Variants in RPGRIP1L observed in about 807,000 individuals in gnomAD.
RPGRIP1L encodes RPGRIP1 like.
A neutral mutation model predicts 160.4 loss-of-function variants in RPGRIP1L; 131 were observed. That is an observed-to-expected ratio of 0.82 (90% CI 0.71 to 0.94). RPGRIP1L has a LOEUF of 0.94. Ranked by LOEUF, RPGRIP1L falls within the 40% of genes least tolerant of loss-of-function variation. The pLI, the probability that RPGRIP1L is intolerant of heterozygous loss-of-function variation, is 0.00. For missense variants in RPGRIP1L, 1,522 were observed against 1,535.8 expected, an observed-to-expected ratio of 0.99 and a Z score of 0.15; for synonymous variants, 510 against 515.8, an observed-to-expected ratio of 0.99 and a Z score of 0.15.
At chr16:53,621,244 A>G (rs1025897527) in intron 23 of RPGRIP1L, among the ~76,000 whole-genome samples, 2 of 152,184 alleles carry the variant, frequency 1.3e-5, no homozygotes, top group African/African-American at 4.8e-5. Context: ...ATATGACTAC[A>G]TGCAACTCTT....
At chr16:53,674,213 T>C (rs148293033) in intron 7 of RPGRIP1L, among the ~76,000 whole-genome samples, 1 of 152,266 alleles carries the variant, frequency 6.6e-6, no homozygotes, top group Non-Finnish European at 1.5e-5. Flanking sequence ...TATTTAACTA[T>C]TGAATTCAAC....
In RPGRIP1L at chr16:53,652,872, A is replaced by AT. The variant is rs1198188966; in HGVS notation, c.1814dup (p.Asn605LysfsTer4). 6.2e-7 allele frequency: 1 copy of AT among 1,612,656 alleles called. No individual in the cohort carries two copies. The highest frequency in any genetic ancestry group is 8.5e-7 in the Non-Finnish European group (1 of 1,179,478). ...CTTTGTTGATATGGATTTCAAATAGATTTTCGCCTCGTTCTAAGTGGATGG... is the reference window on the plus strand; with the variant it reads ...CTTTGTTGATATGGATTTCAAATAGATTTTTCGCCTCGTTCTAAGTGGATGG... On this transcript the variant is annotated frameshift_variant, in exon 15 of 27. Coordinates refer to ENST00000647211, the MANE Select transcript of RPGRIP1L (RefSeq NM_015272.5). LOFTEE classifies it high-confidence loss of function.
intron 26 of RPGRIP1L, 104 bp downstream of exon 26, chr16:53,605,377 G>A (rs764465977): frequency 2.3e-5 from 29 of 1,283,966 alleles, no homozygotes; most frequent in South Asian, 1.8e-4. Context: ...TTCAAGTAAC[G>A]TGTGACTCAG....
intron 10 of RPGRIP1L, chr16:53,659,113 C>T (rs1967541929): frequency 6.0e-6 from 4 of 665,584 alleles, no homozygotes; most frequent in Non-Finnish European, 9.1e-6. Context: ...CATAAGTTCA[C>T]AGTATTAATA....
chr16:53,677,437 TA>T (rs1232954952), intron 6 of RPGRIP1L, among the ~76,000 whole-genome samples: 2 of 152,178 alleles, frequency 1.3e-5, no homozygotes, highest in African/African-American at 4.8e-5. Flanking sequence ...ATTATGACTT[TA>T]TTTTTTTTTC....
At chr16:53,656,944 T>C (rs957370053) in intron 13 of RPGRIP1L, among the ~76,000 whole-genome samples, 1 of 152,112 alleles carries the variant, frequency 6.6e-6, no homozygotes, top group Non-Finnish European at 1.5e-5. Flanking sequence ...TCAGGGACTT[T>C]AAAAACATTA....
rs927322473 is a variant in RPGRIP1L at position 53,671,456 on chromosome 16, C to A, written c.1103+54G>T. The stretch of plus-strand genomic sequence containing the variant: ...CTATTCTGACAACAGCAAATGCTTA[C>A]ATATAAAAGAGCTCAAACAAGACAA... On this transcript the variant is annotated intron_variant, in intron 9 of 26. Transcript: ENST00000647211. The A allele has an allele frequency of 9.0e-5, 100 of 1,111,960 alleles. 1 individual carries two copies. The highest frequency in any genetic ancestry group is 1.3e-4 in the Non-Finnish European group (98 of 726,766). The allele number at this position is 1,111,960 out of a possible 1,614,324, so 68.9% of individuals were successfully genotyped here.
chr16:53,619,355 A>C, intron 23 of RPGRIP1L, 147 bp from the exon 24 acceptor site: 1 of 693,690 alleles, frequency 1.4e-6, no homozygotes, highest in Non-Finnish European at 2.5e-6. Context: ...ACTGTATGTT[A>C]CACATGATAG....
rs1259369470 is a variant in RPGRIP1L, at chr16:53,652,445, A to G, written c.2152+90T>C. On this transcript the variant is annotated intron_variant, in intron 15 of 26. Transcript: ENST00000647211. ...TCCTTGCTCTAAAGGCACCTTTAAT[A>G]TACAAGAAAAGATAGTAATGTAGAG... The G allele has an allele frequency of 1.5e-4, 154 of 1,032,212 alleles. No homozygotes were observed. The East Asian group carries it at 3.7e-3, about 25-fold the overall frequency. 63.9% of individuals were successfully genotyped at this position (1,032,212 alleles called of 1,614,324 possible).
At position 53,696,265 on chromosome 16, in the gene RPGRIP1L, C is replaced by T. The variant is rs886042345; in HGVS notation, c.116G>A (p.Arg39His). 2.3e-5 allele frequency: 37 copies of T among 1,613,854 alleles called. No homozygotes were observed. The highest frequency in any genetic ancestry group is 2.8e-5 in the Non-Finnish European group (33 of 1,179,974). ...ETSTTRTMKS[R>H]QAVSRVSREE... Reference sequence around the variant, plus strand: ...ACGACTGACACGTGACACTGCCTGGCGAGACTTCATTGTCCGTGTTGTTGA... The same window carrying T: ...ACGACTGACACGTGACACTGCCTGGTGAGACTTCATTGTCCGTGTTGTTGA... The change falls in exon 3 of 27, where the codon CGC becomes CAC. Residue 39 changes from arginine to histidine, a missense_variant. Arg to His is a conservative substitution (Grantham distance 29). Transcript: ENST00000647211.
intron 25 of RPGRIP1L, among the ~76,000 whole-genome samples, chr16:53,610,467 A>C (rs1390010520): frequency 6.6e-6 from 1 of 152,194 alleles, no homozygotes; most frequent in African/African-American, 2.4e-5. Context: ...GCTATGTGTC[A>C]GGTACTATAC....
chr16:53,672,377 T>G (rs1968808411), intron 8 of RPGRIP1L, among the ~76,000 whole-genome samples: 1 of 152,012 alleles, frequency 6.6e-6, no homozygotes, highest in Admixed American at 6.6e-5. Context: ...TCACTTCCAT[T>G]CTCCTTGGGA....
intron 4 of RPGRIP1L, among the ~76,000 whole-genome samples, chr16:53,689,956 C>T (rs756223512): frequency 1.3e-5 from 2 of 152,060 alleles, no homozygotes; most frequent in Non-Finnish European, 2.9e-5. Flanking sequence ...CTCTTAATTT[C>T]GCTATAGGGA....
chr16:53,637,752 G>A lies in RPGRIP1L; in HGVS notation c.3163C>T (p.Gln1055Ter). 1.2e-6 allele frequency: 2 copies of A among 1,612,666 alleles called. No individual in the cohort carries two copies. The highest frequency in any genetic ancestry group is 1.7e-6 in the Non-Finnish European group (2 of 1,179,744). The change falls in exon 21 of 27, where the codon CAA becomes TAA. Residue 1055 changes from glutamine to a stop codon, truncating the protein, a stop_gained. Transcript: ENST00000647211. LOFTEE classifies it high-confidence loss of function. Reference sequence around the variant, plus strand: ...TCATCTTCAGAAGATGCCAAGCTTTGTTCTGCAAGCTGACCTTCAGATAGT... The same window carrying A: ...TCATCTTCAGAAGATGCCAAGCTTTATTCTGCAAGCTGACCTTCAGATAGT... ...SLLSEGQLAE[Q>*]SLASSEDETE...
chr16:53,670,773 C>T (rs576651938), intron 9 of RPGRIP1L, among the ~76,000 whole-genome samples: 1 of 152,152 alleles, frequency 6.6e-6, no homozygotes, highest in East Asian at 1.9e-4. Flanking sequence ...AAAAGAGGTT[C>T]AAACACAAGC....
chr16:53,635,660 T>G (rs1269042789), intron 22 of RPGRIP1L: 2 of 152,112 alleles, frequency 1.3e-5, no homozygotes, highest in Admixed American at 6.6e-5. Context: ...AAACTAAGAA[T>G]GTGTGAAGGA....
At chr16:53,636,609 C>G in intron 21 of RPGRIP1L, 97 bp from the exon 22 acceptor site, 2 of 803,820 alleles carry the variant, frequency 2.5e-6, no homozygotes, top group Non-Finnish European at 4.2e-6. Flanking sequence ...CATAAGATAA[C>G]CTTAAGAAAC....
At position 53,698,389 on chromosome 16, in the gene RPGRIP1L, C is replaced by T. The variant is rs1207329107; in HGVS notation, c.86-2094G>A. 1.1e-4 allele frequency among the ~76,000 whole-genome samples: 16 copies of T among 141,194 alleles called. 1 individual carries two copies. The East Asian group carries it at 2.1e-3, about 18-fold the overall frequency. 92.6% of individuals were successfully genotyped at this position (141,194 alleles called of 152,430 possible). On this transcript the variant is annotated intron_variant, in intron 2 of 26. Coordinates refer to ENST00000647211, the MANE Select transcript of RPGRIP1L (RefSeq NM_015272.5). ...GGTGGGGGGTCAGCCCCCCGCCCGG[C>T]CAGCCGTCCTGTCTGGGAGATGAGG...
At chr16:53,699,725 G>A (rs1971220972) in intron 2 of RPGRIP1L, among the ~76,000 whole-genome samples, 1 of 151,906 alleles carries the variant, frequency 6.6e-6, no homozygotes, top group South Asian at 2.1e-4. Context: ...GGCTGAGGCA[G>A]GAGAATCGCT....
Sources: gnomAD v4.1 joint callset for allele counts (sites outside exome capture counted in the v4.1 genomes callset) on GRCh38, gnomAD v4.1.1 for gene constraint, MANE v1.5 for transcripts, NCBI Gene and HGNC (gene_info 2026-07-23, HGNC 2026-07-21) for gene names.